The following CDH13 variants were observed in gnomAD, a reference collection of about 807,000 sequenced individuals.
CDH13 encodes cadherin-13.
Under a neutral mutation model 63.8 loss-of-function variants are expected in CDH13, and 24 were observed. The ratio of observed to expected loss-of-function variants is 0.38; its 90% CI spans 0.27 to 0.53. The LOEUF (loss-of-function observed/expected upper bound fraction) is 0.53, where lower values mean the gene tolerates loss of function less well. Ranked by LOEUF, CDH13 falls within the 20% of genes least tolerant of loss-of-function variation. The pLI is 0.85. For missense variants in CDH13, 1,049 were observed against 903.1 expected (o/e 1.16, Z -2.07); for synonymous variants, 503 against 355.3 (o/e 1.42, Z -4.67).
chr16:82,953,951 G>A (rs897974442), intron 2 of CDH13: 2 of 152,160 alleles, frequency 1.3e-5, no homozygotes, highest in Admixed American at 6.5e-5. Flanking sequence ...ATAGACCTAG[G>A]AGGAATGCAC....
intron 1 of CDH13, among the ~76,000 whole-genome samples, chr16:82,718,605 A>C (rs1021564516): frequency 6.6e-6 from 1 of 152,200 alleles, no homozygotes; most frequent in Non-Finnish European, 1.5e-5. Flanking sequence ...GGCAATTTAC[A>C]AAAGAGGTTT....
At position 82,778,011 on chromosome 16, in the gene CDH13, A is replaced by G. The variant is rs543028389; in HGVS notation, c.46-80351A>G. 9.2e-5 allele frequency among the ~76,000 whole-genome samples: 14 copies of G among 152,244 alleles called. No individual in the cohort carries two copies. The East Asian group carries it at 2.7e-3, about 29-fold the overall frequency. On this transcript the variant is annotated intron_variant, in intron 1 of 13. Coordinates refer to ENST00000567109, the MANE Select transcript of CDH13 (RefSeq NM_001257.5). The stretch of plus-strand genomic sequence containing the variant: ...ACAGTCATAGAAGAGATGCCCTGAC[A>G]CTTTTGTTGCCTTCTATGCTTTAGA...
chr16:82,897,272 C>G (rs1329771658), intron 2 of CDH13, among the ~76,000 whole-genome samples: 2 of 152,218 alleles, frequency 1.3e-5, no homozygotes, highest in African/African-American at 4.8e-5. Context: ...TATCAGCACA[C>G]AGCAGCTGGG....
intron 1 of CDH13, among the ~76,000 whole-genome samples, chr16:82,755,395 T>C (rs2034574782): frequency 6.6e-6 from 1 of 152,206 alleles, no homozygotes; most frequent in Admixed American, 6.5e-5. Context: ...AAGTTGTGTT[T>C]GGGAAGATTA....
chr16:82,873,509 G>C (rs1335254228), intron 2 of CDH13, among the ~76,000 whole-genome samples: 1 of 152,172 alleles, frequency 6.6e-6, no homozygotes, highest in Non-Finnish European at 1.5e-5. Context: ...TCACAGGACA[G>C]TGGTGTGGGC....
intron 1 of CDH13, among the ~76,000 whole-genome samples, chr16:82,634,866 G>A (rs899659887): frequency 6.6e-6 from 1 of 152,136 alleles, no homozygotes; most frequent in Admixed American, 6.5e-5. Flanking sequence ...AGACCAAATG[G>A]TTCCAATAAA....
chr16:82,953,380 G>A (rs191725706), intron 2 of CDH13: 2 of 152,262 alleles, frequency 1.3e-5, no homozygotes, highest in East Asian at 3.9e-4. Flanking sequence ...TGACCAACAT[G>A]GGGTTTCTAG....
At chr16:83,428,612 G>A (rs562707288) in intron 6 of CDH13, among the ~76,000 whole-genome samples, 2 of 152,270 alleles carry the variant, frequency 1.3e-5, no homozygotes, top group Non-Finnish European at 2.9e-5. Flanking sequence ...TTGGTGCTTG[G>A]CATGTAGAGA....
intron 5 of CDH13, among the ~76,000 whole-genome samples, chr16:83,252,869 T>C (rs80191500): frequency 1.3e-5 from 2 of 152,182 alleles, no homozygotes; most frequent in Non-Finnish European, 2.9e-5. Flanking sequence ...GTTAACATCA[T>C]GGGACTCCTG....
intron 6 of CDH13, among the ~76,000 whole-genome samples, chr16:83,391,157 A>G (rs1227537508): frequency 1.3e-5 from 2 of 151,438 alleles, no homozygotes; most frequent in Non-Finnish European, 2.9e-5. Flanking sequence ...ATCTGCCAAG[A>G]TGCTCTTTAG....
At chr16:83,663,655 G>A (rs914433922) in intron 8 of CDH13, among the ~76,000 whole-genome samples, 2 of 152,130 alleles carry the variant, frequency 1.3e-5, no homozygotes, top group African/African-American at 4.8e-5. Flanking sequence ...GCTCAACAAT[G>A]GGAGAGGCAT....
chr16:83,749,875 T>C (rs947896480), intron 11 of CDH13, among the ~76,000 whole-genome samples: 9 of 152,182 alleles, frequency 5.9e-5, no homozygotes, highest in Non-Finnish European at 1.2e-4. Context: ...AGAGGGGACA[T>C]CTCACCTGCG....
In CDH13 at chr16:82,704,379, G is replaced by A. The variant is rs192086464; in HGVS notation, c.45+77242G>A. Among the ~76,000 whole-genome samples the A allele has an allele frequency of 3.9e-5, 6 of 152,316 alleles. No homozygotes were observed. The East Asian group carries it at 1.2e-3, about 29-fold the overall frequency. ...TGTTCACAGTGCTGTTCAATTTTAT[G>A]TAAGCATTACTTCAACATTTTTGGT... On this transcript the variant is annotated intron_variant, in intron 1 of 13. Coordinates refer to ENST00000567109, the MANE Select transcript of CDH13 (RefSeq NM_001257.5).
At chr16:82,672,897 T>G (rs7187015) in intron 1 of CDH13, among the ~76,000 whole-genome samples, 3 of 151,568 alleles carry the variant, frequency 2.0e-5, no homozygotes, top group Admixed American at 6.6e-5. Context: ...TCACTGCCAC[T>G]TCTACCTCCT....
At chr16:82,648,050 T>C (rs1489745522) in intron 1 of CDH13, among the ~76,000 whole-genome samples, 2 of 152,182 alleles carry the variant, frequency 1.3e-5, no homozygotes, top group Non-Finnish European at 2.9e-5. Flanking sequence ...ATGTGAGACA[T>C]GCCTTTACTC....
At chr16:82,627,404 G>C (rs1907451844) in intron 1 of CDH13, among the ~76,000 whole-genome samples, 1 of 151,180 alleles carries the variant, frequency 6.6e-6, no homozygotes, top group Non-Finnish European at 1.5e-5. Context: ...GGGAGGAGGA[G>C]AGAGCTCCCA....
At chr16:83,295,197 C>G (rs1051787880) in intron 5 of CDH13, among the ~76,000 whole-genome samples, 9 of 152,100 alleles carry the variant, frequency 5.9e-5, no homozygotes, top group African/African-American at 4.8e-5. Context: ...TGAAATTGGA[C>G]TCCTATCTGA....
chr16:82,731,864 G>A (rs1210911503), intron 1 of CDH13, among the ~76,000 whole-genome samples: 2 of 152,142 alleles, frequency 1.3e-5, no homozygotes, highest in East Asian at 3.9e-4. Context: ...ATTGGTTTTT[G>A]TGTAGAGCCA....
chr16:82,985,783 C>T (rs1405820287), intron 2 of CDH13, among the ~76,000 whole-genome samples: 1 of 152,158 alleles, frequency 6.6e-6, no homozygotes, highest in Admixed American at 6.5e-5. Flanking sequence ...GGACAGATTT[C>T]TCCTAAATGG....
Sources: gnomAD v4.1 joint callset for allele counts (sites outside exome capture counted in the v4.1 genomes callset) on GRCh38, gnomAD v4.1.1 for gene constraint, MANE v1.5 for transcripts, NCBI Gene and HGNC (gene_info 2026-07-23, HGNC 2026-07-21) for gene names.